Variants in CRACDL observed in about 807,000 individuals in gnomAD.
The protein encoded by CRACDL is CRACD-like protein.
CRACDL carries 26 observed loss-of-function variants against 70.6 expected under a neutral mutation model. The ratio of observed to expected loss-of-function variants is 0.37; its 90% confidence interval spans 0.27 to 0.51. The LOEUF (loss-of-function observed/expected upper bound fraction) is 0.51, where lower values mean the gene tolerates loss of function less well. Ranked by LOEUF, CRACDL falls within the 20% of genes least tolerant of loss-of-function variation. CRACDL has a pLI of 0.94. For synonymous variants in CRACDL, 618 were observed against 615.2 expected, an observed-to-expected ratio of 1.00 and a Z score of -0.07; for missense variants, 1,283 against 1,376.9, an observed-to-expected ratio of 0.93 and a Z score of 1.08.
At chr2:98,896,911 C>T (rs1002532962) in intron 1 of CRACDL, among the ~76,000 whole-genome samples, 3 of 152,200 alleles carry the variant, frequency 2.0e-5, no homozygotes, top group African/African-American at 7.2e-5. Flanking sequence ...CTCCCTTGGA[C>T]ACCCCTGGCA....
At chr2:98,795,077 A>ATATATATATATATT in intron 9 of CRACDL, among the ~76,000 whole-genome samples, 2 of 58,490 alleles carry the variant, frequency 3.4e-5, no homozygotes, top group African/African-American at 1.3e-4. Context: ...ATATATATAT[A>ATATATATATATATT]TTTTTTTTTT....
rs545687865 is a variant in CRACDL at position 98,910,006 on chromosome 2, G to A, written c.-11+25932C>T. Among the ~76,000 whole-genome samples the A allele has an allele frequency of 7.9e-5, 12 of 152,312 alleles. No homozygotes were observed. The South Asian group carries it at 1.0e-3, about 13-fold the overall frequency. ...CCTCCGGATTAGTACATCATGAGTAGTCAGTAACGCCATCTCTCCCACATC... is the reference window on the plus strand; with the variant it reads ...CCTCCGGATTAGTACATCATGAGTAATCAGTAACGCCATCTCTCCCACATC... On this transcript the variant is annotated intron_variant, in intron 1 of 9. Transcript: ENST00000397899.
intron 9 of CRACDL, among the ~76,000 whole-genome samples, chr2:98,795,077 A>ATATATTTTTTTTTTTTTTTTTTTTT: frequency 1.7e-5 from 1 of 58,508 alleles, no homozygotes; most frequent in Non-Finnish European, 3.1e-5. Flanking sequence ...ATATATATAT[A>ATATATTTTTTTTTTTTTTTTTTTTT]TTTTTTTTTT....
chr2:98,826,874 C>T, intron 6 of CRACDL, 101 bp downstream of exon 6: 1 of 724,800 alleles, frequency 1.4e-6, no homozygotes, highest in South Asian at 1.7e-5. Flanking sequence ...TCAGAGGGGG[C>T]ATGAGACCCT....
intron 1 of CRACDL, among the ~76,000 whole-genome samples, chr2:98,926,844 G>A (rs897374374): frequency 1.3e-5 from 2 of 152,304 alleles, no homozygotes; most frequent in African/African-American, 2.4e-5. Context: ...GCTCGGTATT[G>A]ACTCAACACG....
intron 1 of CRACDL, among the ~76,000 whole-genome samples, chr2:98,912,000 T>C (rs566554396): frequency 1.3e-5 from 2 of 152,308 alleles, no homozygotes; most frequent in Admixed American, 6.5e-5. Flanking sequence ...CTGACTCATT[T>C]GGTGGTGACA....
chr2:98,878,505 A>G (rs1401095691), intron 1 of CRACDL, among the ~76,000 whole-genome samples: 1 of 152,238 alleles, frequency 6.6e-6, no homozygotes, highest in Non-Finnish European at 1.5e-5. Context: ...ATATTACATG[A>G]TGTTCACACG....
intron 2 of CRACDL, among the ~76,000 whole-genome samples, chr2:98,841,689 T>C (rs1329807096): frequency 6.6e-6 from 1 of 152,170 alleles, no homozygotes; most frequent in Non-Finnish European, 1.5e-5. Flanking sequence ...AACCCAGTTT[T>C]TGTTTGTCCG....
intron 7 of CRACDL, among the ~76,000 whole-genome samples, chr2:98,814,570 A>G (rs1344426961): frequency 6.6e-6 from 1 of 152,212 alleles, no homozygotes; most frequent in Non-Finnish European, 1.5e-5. Context: ...AGGGCTGTTT[A>G]GTGACCTAGA....
chr2:98,904,934 ATCCTAGATCT>A (rs750286198), intron 1 of CRACDL, among the ~76,000 whole-genome samples: 73 of 152,228 alleles, frequency 4.8e-4, no homozygotes, highest in Middle Eastern at 3.4e-3. Context: ...TAATGAGTTC[ATCCTAGATCT>A]GGCTGTTTAA....
At chr2:98,858,019 T>C (rs944594296) in intron 1 of CRACDL, among the ~76,000 whole-genome samples, 8 of 152,290 alleles carry the variant, frequency 5.3e-5, no homozygotes, top group African/African-American at 1.9e-4. Flanking sequence ...AGAAAGAATT[T>C]TGGGAAGTTC....
chr2:98,906,530 G>T (rs1195528442), intron 1 of CRACDL, among the ~76,000 whole-genome samples: 2 of 129,612 alleles, frequency 1.5e-5, no homozygotes, highest in African/African-American at 6.3e-5. Flanking sequence ...CCAAAGTGCT[G>T]GGATTACAGG....
intron 7 of CRACDL, among the ~76,000 whole-genome samples, chr2:98,816,589 G>C (rs1171767518): frequency 2.0e-5 from 3 of 152,174 alleles, no homozygotes; most frequent in Non-Finnish European, 4.4e-5. Flanking sequence ...GGCCCAAGAA[G>C]TCAAGGGAAG....
At chr2:98,913,878 C>G (rs1708603835) in intron 1 of CRACDL, among the ~76,000 whole-genome samples, 1 of 152,190 alleles carries the variant, frequency 6.6e-6, no homozygotes, top group African/African-American at 2.4e-5. Context: ...GATCCTGCAG[C>G]AACCCAGTAG....
Position 98,866,472 on chromosome 2 carries a change from C to CTTTTTTTTTTTT in CRACDL, c.-10-19663_-10-19662insAAAAAAAAAAAA, listed in dbSNP as rs869154325. On this transcript the variant is annotated intron_variant, in intron 1 of 9. Transcript: ENST00000397899. ...CACCTGATAGATGAAACAATCACTT[C>CTTTTTTTTTTTT]TTCTTTTTTTTTTTTTTTTTTTTTT... 7.4e-5 allele frequency among the ~76,000 whole-genome samples: 8 copies of CTTTTTTTTTTTT among 107,812 alleles called. 3 individuals are homozygous for CTTTTTTTTTTTT. Among genetic ancestry groups the CTTTTTTTTTTTT allele is most frequent in the Non-Finnish European group, 3.7e-5 (2 of 54,250 alleles). 70.7% of individuals were successfully genotyped at this position (107,812 alleles called of 152,430 possible).
intron 1 of CRACDL, among the ~76,000 whole-genome samples, chr2:98,923,905 G>A (rs1708858396): frequency 6.6e-6 from 1 of 152,200 alleles, no homozygotes; most frequent in Non-Finnish European, 1.5e-5. Flanking sequence ...ACCATGGCAG[G>A]CCATCCTGGA....
intron 1 of CRACDL, among the ~76,000 whole-genome samples, chr2:98,877,641 C>G (rs376531679): frequency 1.3e-5 from 2 of 151,836 alleles, no homozygotes; most frequent in Admixed American, 1.3e-4. Flanking sequence ...CCCAGCAACT[C>G]GGGAGGCTGA....
chr2:98,843,155 G>C (rs1706108429), intron 2 of CRACDL, among the ~76,000 whole-genome samples: 1 of 152,030 alleles, frequency 6.6e-6, no homozygotes, highest in Admixed American at 6.6e-5. Flanking sequence ...TATAGATATT[G>C]AGCATTTCTT....
At chr2:98,802,734 G>A (rs1459456295) in intron 7 of CRACDL, among the ~76,000 whole-genome samples, 1 of 152,234 alleles carries the variant, frequency 6.6e-6, no homozygotes, top group African/African-American at 2.4e-5. Flanking sequence ...GCCACACCCC[G>A]TATGACACTA....
Sources: gnomAD v4.1 joint callset for allele counts (sites outside exome capture counted in the v4.1 genomes callset) on GRCh38, gnomAD v4.1.1 for gene constraint, MANE v1.5 for transcripts, NCBI Gene and HGNC (gene_info 2026-07-23, HGNC 2026-07-21) for gene names.